Variants in SLC25A37 observed in about 807,000 individuals in gnomAD.
SLC25A37 encodes the protein mitoferrin-1.
In SLC25A37, 17 loss-of-function variants were observed where a neutral mutation model predicts 31.0. That is an observed-to-expected ratio of 0.55 (90% CI 0.38 to 0.82). SLC25A37 has a LOEUF of 0.82. Among genes scored for constraint, SLC25A37 ranks in the 40% least tolerant of loss-of-function variants. SLC25A37 has a pLI of 0.00. For missense variants in SLC25A37, 404 were observed against 465.8 expected, an observed-to-expected ratio of 0.87 and a Z score of 1.22; for synonymous variants, 222 against 193.0, an observed-to-expected ratio of 1.15 and a Z score of -1.24.
intron 1 of SLC25A37, among the ~76,000 whole-genome samples, chr8:23,541,021 TG>T (rs1278498544): frequency 4.6e-5 from 7 of 152,254 alleles, no homozygotes; most frequent in Admixed American, 1.3e-4. Context: ...TCAGTGCAGC[TG>T]CCTGGCCTTG....
Position 23,529,225 on chromosome 8 carries a change from G to T in SLC25A37, c.210+13G>T, listed in dbSNP as rs545612562. 6.2e-7 allele frequency: 1 copy of T among 1,602,078 alleles called. No individual in the cohort carries two copies. The highest frequency in any genetic ancestry group is 8.5e-7 in the Non-Finnish European group (1 of 1,175,360). The stretch of plus-strand genomic sequence containing the variant: ...GGACTCGGTGAAGGTGAGGCGCGGG[G>T]AGACTTCGGGGACGCAACGAGCGGA... On this transcript the variant is annotated intron_variant, in intron 1 of 3. Coordinates refer to ENST00000519973, the MANE Select transcript of SLC25A37 (RefSeq NM_016612.4). This position sits in a 1 kb window ranked among gnomAD's most constrained non-coding sequence, Gnocchi z 4.1.
At chr8:23,533,136 G>A (rs1801694775) in intron 1 of SLC25A37, among the ~76,000 whole-genome samples, 1 of 152,198 alleles carries the variant, frequency 6.6e-6, no homozygotes, top group Admixed American at 6.5e-5. Context: ...GTGAGCTGCA[G>A]TCCTGTTCCT....
Position 23,571,497 on chromosome 8 carries a change from A to G in SLC25A37, c.659A>G (p.Glu220Gly). The G allele has an allele frequency of 6.2e-7, 1 of 1,613,964 alleles. No individual in the cohort carries two copies. The highest frequency in any genetic ancestry group is 8.5e-7 in the Non-Finnish European group (1 of 1,179,876). Residue 220 changes from glutamate to glycine, a missense_variant, in exon 4 of 4, where the codon GAG (glutamate) becomes GGG (glycine). By Grantham distance (98) the Glu-to-Gly change is moderately conservative. Transcript: ENST00000519973. ...CAGTCCATCCACTTCATCACCTATG[A>G]GTTCCTGCAGGAGCAGGTCAACCCC... ...PFQSIHFITY[E>G]FLQEQVNPHR...
intron 1 of SLC25A37, among the ~76,000 whole-genome samples, chr8:23,549,976 G>A (rs963539382): frequency 7.3e-6 from 1 of 137,674 alleles, no homozygotes; most frequent in East Asian, 2.5e-4. Context: ...GAGGTCGGGA[G>A]TTTGAGACCA....
chr8:23,563,047 T>G (rs1802557841), intron 1 of SLC25A37, among the ~76,000 whole-genome samples: 1 of 152,260 alleles, frequency 6.6e-6, no homozygotes, highest in African/African-American at 2.4e-5. Flanking sequence ...TCGTTTGGTC[T>G]GGCCAACAGC....
At position 23,529,022 on chromosome 8, in the gene SLC25A37, G is replaced by C. The variant is rs769646218; in HGVS notation, c.20G>C (p.Ser7Thr). The change falls in exon 1 of 4, where the codon AGC becomes ACC. Residue 7 changes from serine (S) to threonine (T), a missense_variant. Transcript: ENST00000519973. This position sits in a 1 kb window ranked among gnomAD's most constrained non-coding sequence, Gnocchi z 4.1. MELRSG[S>T]VGSQAVARRM... ...TGGCGGATGGAGCTGCGCAGCGGGA[G>C]CGTGGGCAGCCAGGCGGTGGCGCGG... is the stretch of plus-strand genomic sequence containing the variant. The C allele has an allele frequency of 6.5e-7, 1 of 1,538,094 alleles. No homozygotes were observed. The highest frequency in any genetic ancestry group is 2.0e-5 in the Admixed American group (1 of 49,752).
chr8:23,545,852 A>G (rs1227199702), intron 1 of SLC25A37, among the ~76,000 whole-genome samples: 3 of 152,094 alleles, frequency 2.0e-5, no homozygotes, highest in African/African-American at 4.8e-5. Context: ...AAATAAAAAA[A>G]TAGGCCGGGC....
At chr8:23,567,826 GTTTTTTTTT>G (rs542715318) in intron 2 of SLC25A37, 6,132 of 111,648 alleles carry the variant, frequency 0.055, 207 homozygotes, top group Non-Finnish European at 0.071. Flanking sequence ...CTCTTGCCCA[GTTTTTTTTT>G]TTTTTTTTTT....
intron 1 of SLC25A37, among the ~76,000 whole-genome samples, chr8:23,535,442 C>G (rs1016875075): frequency 5.1e-4 from 78 of 152,288 alleles, no homozygotes; most frequent in African/African-American, 1.8e-3. Context: ...CTCTTGCCTT[C>G]TACCCCCACT....
intron 1 of SLC25A37, among the ~76,000 whole-genome samples, chr8:23,551,329 A>C (rs760941730): frequency 3.3e-5 from 5 of 152,184 alleles, no homozygotes; most frequent in African/African-American, 4.8e-5. Flanking sequence ...GGGAGGGGTC[A>C]GAGTCCCTTA....
At position 23,529,347 on chromosome 8, in the gene SLC25A37, C is replaced by A; in HGVS notation, c.210+135C>A. On this transcript the variant is annotated intron_variant, in intron 1 of 3. Coordinates refer to ENST00000519973, the MANE Select transcript of SLC25A37 (RefSeq NM_016612.4). The surrounding 1 kb of genome is among the most constrained non-coding windows in gnomAD (Gnocchi z 4.1). ...CCCCAGGACCGCGGCTGGCCGGGGT[C>A]GCCCCAGGAGCAGCTGCGCGCAGCC... 1 of 806,084 alleles carries A rather than the reference C, an allele frequency of 1.2e-6. No homozygotes were observed. Among genetic ancestry groups the A allele is most frequent in the Non-Finnish European group, 1.8e-6 (1 of 562,980 alleles). 49.9% of individuals were successfully genotyped at this position (806,084 alleles called of 1,614,324 possible).
Position 23,549,716 on chromosome 8 carries a change from A to C in SLC25A37, c.211-16392A>C, listed in dbSNP as rs1050700479. Among the ~76,000 whole-genome samples, 4 of 101,224 alleles carry C rather than the reference A, an allele frequency of 4.0e-5. 1 individual carries two copies. The highest frequency in any genetic ancestry group is 2.3e-4 in the African/African-American group (3 of 12,970). The allele number at this position is 101,224 out of a possible 152,430, so 66.4% of individuals were successfully genotyped here. ...GGCACCACGTGGTTAGTCACTATCA[A>C]GTTAGAAGCCTTTGTGGGAAATCTG... On this transcript the variant is annotated intron_variant, in intron 1 of 3. Transcript: ENST00000519973.
intron 1 of SLC25A37, among the ~76,000 whole-genome samples, chr8:23,534,252 CTCTT>C (rs1278819162): frequency 2.0e-5 from 3 of 152,140 alleles, no homozygotes; most frequent in Admixed American, 6.5e-5. Flanking sequence ...CATGCCCAGC[CTCTT>C]TCTTTTTGTT....
chr8:23,545,535 G>A (rs2314684), intron 1 of SLC25A37, among the ~76,000 whole-genome samples: 56,836 of 152,122 alleles, frequency 0.37, 12,236 homozygotes, highest in East Asian at 0.61. Context: ...CAGACCTGCT[G>A]TCCTCTCTAT....
At chr8:23,533,590 C>A (rs76398659) in intron 1 of SLC25A37, among the ~76,000 whole-genome samples, 1 of 152,180 alleles carries the variant, frequency 6.6e-6, no homozygotes, top group African/African-American at 2.4e-5. Flanking sequence ...TTCTGACTCT[C>A]TCTGACTTCA....
intron 1 of SLC25A37, among the ~76,000 whole-genome samples, chr8:23,553,449 A>C (rs917531133): frequency 9.2e-5 from 14 of 152,214 alleles, no homozygotes; most frequent in African/African-American, 3.1e-4. Flanking sequence ...AAACAAAAAA[A>C]AAACCAACAA....
chr8:23,557,848 T>C (rs1802408956), intron 1 of SLC25A37, among the ~76,000 whole-genome samples: 1 of 152,226 alleles, frequency 6.6e-6, no homozygotes, highest in African/African-American at 2.4e-5. Context: ...GAAGCAGACA[T>C]TGGGCAGCAG....
At chr8:23,553,651 A>C (rs1432787692) in intron 1 of SLC25A37, among the ~76,000 whole-genome samples, 1 of 152,200 alleles carries the variant, frequency 6.6e-6, no homozygotes, top group Admixed American at 6.5e-5. Flanking sequence ...ACGGAGTGCC[A>C]GGCTTTCGTC....
rs546695167 is a variant in SLC25A37, at chr8:23,563,761, C to T, written c.211-2347C>T. 6.6e-5 allele frequency among the ~76,000 whole-genome samples: 10 copies of T among 152,262 alleles called. No homozygotes were observed. In the South Asian group the frequency reaches 1.9e-3, roughly 28 times the overall value. ...CTTTGGGAAGCCGAAGCAAGTGGATCTCGAGGTCACGAGTTTGAGACCAGC... is the reference window on the plus strand; with the variant it reads ...CTTTGGGAAGCCGAAGCAAGTGGATTTCGAGGTCACGAGTTTGAGACCAGC... On this transcript the variant is annotated intron_variant, in intron 1 of 3. Coordinates refer to ENST00000519973, the MANE Select transcript of SLC25A37 (RefSeq NM_016612.4).
Sources: gnomAD v4.1 joint callset for allele counts (sites outside exome capture counted in the v4.1 genomes callset) on GRCh38, gnomAD v4.1.1 for gene constraint, Gnocchi (gnomAD v3.1) non-coding constraint, MANE v1.5 for transcripts, NCBI Gene and HGNC (gene_info 2026-07-23, HGNC 2026-07-21) for gene names.